The following EPHA6 variants were observed in gnomAD, a reference collection of about 807,000 sequenced individuals.
EPHA6 encodes EPH receptor A6, also known as ephrin type-A receptor 6.
Under a neutral mutation model 112.0 loss-of-function variants are expected in EPHA6, and 50 were observed. That is an observed-to-expected ratio of 0.45 (90% confidence interval 0.36 to 0.56). EPHA6 has a LOEUF of 0.56. EPHA6 is among the 20% of genes least tolerant of loss of function. The pLI is 0.00. For synonymous variants in EPHA6, 529 were observed against 490.7 expected (o/e 1.08, Z -1.03); for missense variants, 1,280 against 1,417.4 (o/e 0.90, Z 1.56).
chr3:96,872,797 A>G (rs970506162), intron 2 of EPHA6, among the ~76,000 whole-genome samples: 4 of 151,692 alleles, frequency 2.6e-5, no homozygotes, highest in African/African-American at 9.7e-5. Flanking sequence ...ATGTGAAAAT[A>G]TTTTTTGAAG....
rs961112882 is a variant in EPHA6 at position 97,014,778 on chromosome 3, C to G, written c.1114+26785C>G. Among the ~76,000 whole-genome samples, 10 of 152,140 alleles carry G rather than the reference C, an allele frequency of 6.6e-5. No homozygotes were observed. In the East Asian group the frequency reaches 1.9e-3, roughly 29 times the overall value. ...ATGATGATCAAAGTATTTAAGAATTCCTAAAGGATCAGAAATTCTTTTTTG... is the reference window on the plus strand; with the variant it reads ...ATGATGATCAAAGTATTTAAGAATTGCTAAAGGATCAGAAATTCTTTTTTG... On this transcript the variant is annotated intron_variant, in intron 3 of 17. Transcript: ENST00000389672.
At chr3:97,381,487 T>G (rs1216734693) in intron 5 of EPHA6, among the ~76,000 whole-genome samples, 1 of 152,010 alleles carries the variant, frequency 6.6e-6, no homozygotes, top group African/African-American at 2.4e-5. Context: ...TAAAGAAAAT[T>G]TAGCTCCAGA....
intron 5 of EPHA6, among the ~76,000 whole-genome samples, chr3:97,355,708 T>A (rs766303568): frequency 1.7e-4 from 26 of 152,188 alleles, no homozygotes; most frequent in Admixed American, 6.5e-5. Flanking sequence ...GTTAACGGAT[T>A]AATCTCTTCT....
chr3:97,125,501 C>T (rs974432460), intron 3 of EPHA6, among the ~76,000 whole-genome samples: 2 of 152,076 alleles, frequency 1.3e-5, no homozygotes, highest in Admixed American at 6.6e-5. Context: ...CCCTTGAATG[C>T]AAGAATAAGT....
intron 5 of EPHA6, among the ~76,000 whole-genome samples, chr3:97,376,003 C>A (rs2085328207): frequency 6.6e-6 from 1 of 152,220 alleles, no homozygotes; most frequent in East Asian, 1.9e-4. Context: ...GATGATTTCA[C>A]AGATGAAAAC....
intron 1 of EPHA6, among the ~76,000 whole-genome samples, chr3:96,850,558 A>G (rs1181389223): frequency 1.8e-4 from 27 of 151,878 alleles, no homozygotes; most frequent in Admixed American, 1.8e-3. Flanking sequence ...TGGTCACGTA[A>G]GAGAGAGTCA....
chr3:96,950,893 G>A (rs538211261), intron 2 of EPHA6, among the ~76,000 whole-genome samples: 8 of 152,080 alleles, frequency 5.3e-5, no homozygotes, highest in African/African-American at 1.9e-4. Context: ...TGTTATCTAA[G>A]AGAATTAGTG....
chr3:97,446,955 A>G (rs1443625013), intron 6 of EPHA6, among the ~76,000 whole-genome samples: 3 of 152,124 alleles, frequency 2.0e-5, no homozygotes, highest in Admixed American at 6.6e-5. Flanking sequence ...CCTAGAGATA[A>G]ATATAAGTTG....
At chr3:97,502,573 G>A (rs553440411) in intron 10 of EPHA6, among the ~76,000 whole-genome samples, 4 of 151,844 alleles carry the variant, frequency 2.6e-5, no homozygotes, top group Admixed American at 6.5e-5. Flanking sequence ...GGTGGCTCAC[G>A]CCTGTAATCC....
intron 2 of EPHA6, among the ~76,000 whole-genome samples, chr3:96,936,338 T>C (rs953514548): frequency 2.6e-5 from 4 of 152,032 alleles, no homozygotes; most frequent in Non-Finnish European, 5.9e-5. Context: ...GTAATGGTTT[T>C]AAAGCATGCA....
At chr3:96,963,067 T>C (rs2042002288) in intron 2 of EPHA6, among the ~76,000 whole-genome samples, 1 of 150,830 alleles carries the variant, frequency 6.6e-6, no homozygotes, top group South Asian at 2.1e-4. Flanking sequence ...GACAGGGGGA[T>C]TGGAGAATCG....
chr3:97,521,412 G>T lies in EPHA6; in HGVS notation c.2201-10946G>T, dbSNP rs534314622. Among the ~76,000 whole-genome samples the T allele has an allele frequency of 3.3e-5, 5 of 152,206 alleles. No individual in the cohort carries two copies. In the South Asian group the frequency reaches 6.2e-4, roughly 19 times the overall value. ...AGTGGTTTAATTGACTCATAGTTCA[G>T]CATGACTGGGGAGGCCTCAGGAAAC... On this transcript the variant is annotated intron_variant, in intron 10 of 17. Transcript: ENST00000389672.
At chr3:96,917,756 A>G (rs920633551) in intron 2 of EPHA6, among the ~76,000 whole-genome samples, 3 of 152,310 alleles carry the variant, frequency 2.0e-5, no homozygotes, top group Non-Finnish European at 4.4e-5. Context: ...GGGAAAAAAA[A>G]AATGTCTCAC....
intron 13 of EPHA6, among the ~76,000 whole-genome samples, chr3:97,616,465 G>A (rs2093767351): frequency 6.6e-6 from 1 of 152,102 alleles, no homozygotes; most frequent in Admixed American, 6.6e-5. Context: ...TTCCAAATGT[G>A]TCTAAGAAAA....
At chr3:97,170,357 T>G (rs947970788) in intron 3 of EPHA6, among the ~76,000 whole-genome samples, 2 of 152,156 alleles carry the variant, frequency 1.3e-5, no homozygotes, top group African/African-American at 4.8e-5. Flanking sequence ...TTTTAATACC[T>G]GGGGCGTAAT....
intron 11 of EPHA6, among the ~76,000 whole-genome samples, chr3:97,540,514 T>C (rs1184485221): frequency 6.6e-6 from 1 of 152,224 alleles, no homozygotes; most frequent in East Asian, 1.9e-4. Flanking sequence ...GTTGTCCTTC[T>C]AGTGTTTAAA....
chr3:97,536,241 C>T (rs538108226), intron 11 of EPHA6, among the ~76,000 whole-genome samples: 53 of 152,080 alleles, frequency 3.5e-4, no homozygotes, highest in African/African-American at 1.2e-3. Flanking sequence ...GAAAGAGCTA[C>T]GGTTCTACAA....
rs566416801 is a variant in EPHA6 at position 97,274,692 on chromosome 3, G to T, written c.1606+30405G>T. On this transcript the variant is annotated intron_variant, in intron 5 of 17. Coordinates refer to ENST00000389672, the MANE Select transcript of EPHA6 (RefSeq NM_001080448.3). Reference sequence around the variant, plus strand: ...ACTATAGCATAGCCTGCCTTTGCTGGTGAGTGGCAATTAGGCCTGGTGGAA... The same window carrying T: ...ACTATAGCATAGCCTGCCTTTGCTGTTGAGTGGCAATTAGGCCTGGTGGAA... 1.2e-4 allele frequency among the ~76,000 whole-genome samples: 18 copies of T among 152,284 alleles called. No individual in the cohort carries two copies. The East Asian group carries it at 3.1e-3, about 26-fold the overall frequency.
At chr3:97,128,084 C>G (rs1378356472) in intron 3 of EPHA6, among the ~76,000 whole-genome samples, 1 of 152,058 alleles carries the variant, frequency 6.6e-6, no homozygotes, top group East Asian at 1.9e-4. Context: ...TAGCTCAGCT[C>G]CTACTTACAA....
Sources: gnomAD v4.1 joint callset for allele counts (sites outside exome capture counted in the v4.1 genomes callset) on GRCh38, gnomAD v4.1.1 for gene constraint, MANE v1.5 for transcripts, NCBI Gene and HGNC (gene_info 2026-07-23, HGNC 2026-07-21) for gene names.